CEP112: variants seen among roughly 807,000 people sequenced by gnomAD.
CEP112 encodes the protein centrosomal protein of 112 kDa.
A neutral mutation model predicts 153.0 loss-of-function variants in CEP112; 127 were observed. The ratio of observed to expected loss-of-function variants is 0.83; its 90% confidence interval spans 0.72 to 0.96. CEP112 has a LOEUF of 0.96. Among genes scored for constraint, CEP112 ranks in the 40% least tolerant of loss-of-function variants. The pLI, the probability that CEP112 is intolerant of heterozygous loss-of-function variation, is 0.00. For synonymous variants in CEP112, 358 were observed against 374.4 expected, an observed-to-expected ratio of 0.96 and a Z score of 0.51; for missense variants, 1,089 against 1,101.2, an observed-to-expected ratio of 0.99 and a Z score of 0.16.
At chr17:66,111,667 A>T (rs758719108) in intron 6 of CEP112, among the ~76,000 whole-genome samples, 116 of 152,204 alleles carry the variant, frequency 7.6e-4, no homozygotes, top group Non-Finnish European at 1.3e-3. Context: ...CAAGAACATA[A>T]GAACACTGAG....
intron 12 of CEP112, among the ~76,000 whole-genome samples, chr17:66,046,119 T>C (rs887910373): frequency 6.6e-6 from 1 of 152,060 alleles, no homozygotes; most frequent in Non-Finnish European, 1.5e-5. Flanking sequence ...CTCTCCTCAC[T>C]GCAAGCTCCG....
chr17:65,965,196 T>C (rs902548383), intron 17 of CEP112, among the ~76,000 whole-genome samples: 1 of 152,336 alleles, frequency 6.6e-6, no homozygotes, highest in Non-Finnish European at 1.5e-5. Flanking sequence ...TATGACCACA[T>C]AAATCAAAGT....
chr17:65,799,439 T>G (rs1026960435), intron 21 of CEP112, among the ~76,000 whole-genome samples: 1 of 152,140 alleles, frequency 6.6e-6, no homozygotes, highest in Non-Finnish European at 1.5e-5. Flanking sequence ...TTTAGTCAAA[T>G]CAAGGGGTCA....
intron 21 of CEP112, among the ~76,000 whole-genome samples, chr17:65,792,363 A>G (rs1305686590): frequency 6.6e-6 from 1 of 152,186 alleles, no homozygotes; most frequent in Admixed American, 6.5e-5. Context: ...GAACTTCAAA[A>G]CAATTCTTTT....
intron 17 of CEP112, among the ~76,000 whole-genome samples, chr17:65,965,514 C>A (rs944780712): frequency 1.1e-5 from 1 of 93,808 alleles, no homozygotes; most frequent in Non-Finnish European, 2.1e-5. Flanking sequence ...AAACCTTCTG[C>A]CCCCTTTTTT....
chr17:65,802,018 T>C (rs2055309150), intron 21 of CEP112, among the ~76,000 whole-genome samples: 1 of 152,184 alleles, frequency 6.6e-6, no homozygotes, highest in Middle Eastern at 3.2e-3. Context: ...TTGTTGTTGA[T>C]GGGGACTTTT....
At chr17:65,717,655 T>C (rs1262804411) in intron 23 of CEP112, among the ~76,000 whole-genome samples, 1 of 152,248 alleles carries the variant, frequency 6.6e-6, no homozygotes, top group Non-Finnish European at 1.5e-5. Context: ...TACAAAGCAC[T>C]GCTTTGCAAA....
chr17:65,831,023 G>T (rs2057054184), intron 21 of CEP112, among the ~76,000 whole-genome samples: 1 of 152,218 alleles, frequency 6.6e-6, no homozygotes. Context: ...AGAATGGGAA[G>T]TAACAACAGG....
intron 20 of CEP112, among the ~76,000 whole-genome samples, chr17:65,887,412 A>G (rs1391773373): frequency 6.6e-6 from 1 of 152,198 alleles, no homozygotes; most frequent in Admixed American, 6.5e-5. Context: ...ACAAAATCAC[A>G]TTTTAATGAG....
intron 17 of CEP112, among the ~76,000 whole-genome samples, chr17:65,986,762 T>TA (rs752840889): frequency 5.9e-5 from 9 of 152,230 alleles, no homozygotes; most frequent in Non-Finnish European, 1.2e-4. Flanking sequence ...ACAGGTAAAA[T>TA]AATCCTAGAA....
chr17:66,180,666 A>C (rs1235006266), intron 2 of CEP112, among the ~76,000 whole-genome samples: 1 of 152,186 alleles, frequency 6.6e-6, no homozygotes, highest in Non-Finnish European at 1.5e-5. Flanking sequence ...AGCACAGTTT[A>C]ATCTACATAT....
intron 21 of CEP112, among the ~76,000 whole-genome samples, chr17:65,799,820 A>G (rs998435892): frequency 6.6e-6 from 1 of 152,218 alleles, no homozygotes; most frequent in African/African-American, 2.4e-5. Flanking sequence ...CATTGCTCAC[A>G]CACACACTGG....
At chr17:66,006,814 C>T (rs1018409199) in intron 16 of CEP112, among the ~76,000 whole-genome samples, 5 of 152,070 alleles carry the variant, frequency 3.3e-5, no homozygotes, top group African/African-American at 1.2e-4. Context: ...GCTCAAGTTA[C>T]TTGGTGGGGT....
intron 16 of CEP112, among the ~76,000 whole-genome samples, chr17:66,026,110 T>C (rs963902744): frequency 2.6e-5 from 4 of 151,904 alleles, no homozygotes; most frequent in African/African-American, 4.8e-5. Context: ...GAGTGTGGAA[T>C]GACAGACACT....
At chr17:65,993,088 T>TC (rs2063656039) in intron 17 of CEP112, among the ~76,000 whole-genome samples, 1 of 152,080 alleles carries the variant, frequency 6.6e-6, no homozygotes, top group South Asian at 2.1e-4. Context: ...ATGCTCTCTC[T>TC]CCCCCACCTC....
intron 1 of CEP112, among the ~76,000 whole-genome samples, chr17:66,187,462 A>G (rs1475500844): frequency 6.6e-6 from 1 of 152,120 alleles, no homozygotes; most frequent in African/African-American, 2.4e-5. Context: ...TTCAGTTTGC[A>G]TCCTATTTGA....
chr17:66,161,668 C>A (rs1215741407), intron 4 of CEP112, among the ~76,000 whole-genome samples: 2 of 151,916 alleles, frequency 1.3e-5, no homozygotes, highest in Non-Finnish European at 1.5e-5. Flanking sequence ...GAACATCACA[C>A]ACCGGGTCTG....
intron 23 of CEP112, among the ~76,000 whole-genome samples, chr17:65,717,231 A>C (rs2049579062): frequency 6.6e-6 from 1 of 152,230 alleles, no homozygotes; most frequent in Non-Finnish European, 1.5e-5. Context: ...ATGAATTTAA[A>C]AAGGTTCCTT....
intron 11 of CEP112, among the ~76,000 whole-genome samples, chr17:66,062,418 A>C (rs928430800): frequency 3.3e-5 from 5 of 152,136 alleles, no homozygotes; most frequent in African/African-American, 1.2e-4. Context: ...CCTCACCAAA[A>C]AGAACTGATA....
Sources: allele counts gnomAD v4.1 joint callset (sites outside exome capture counted in the v4.1 genomes callset), GRCh38; gene constraint gnomAD v4.1.1; transcripts MANE v1.5; gene names NCBI Gene and HGNC (gene_info 2026-07-23, HGNC 2026-07-21).